Variants in CSNK1E observed in about 807,000 individuals in gnomAD.
CSNK1E encodes the protein casein kinase 1 epsilon.
A neutral mutation model predicts 46.1 loss-of-function variants in CSNK1E; 17 were observed. That is an observed-to-expected ratio of 0.37 (90% confidence interval 0.25 to 0.55). CSNK1E has a LOEUF of 0.55. CSNK1E is among the 20% of genes least tolerant of loss of function. The pLI, the probability that CSNK1E is intolerant of heterozygous loss-of-function variation, is 0.82. For missense variants in CSNK1E, 386 were observed against 595.4 expected, an observed-to-expected ratio of 0.65 and a Z score of 3.66; for synonymous variants, 241 against 242.6, an observed-to-expected ratio of 0.99 and a Z score of 0.06.
At chr22:38,296,114 G>C in intron 7 of CSNK1E, 8 of 972,138 alleles carry the variant, frequency 8.2e-6, no homozygotes, top group Non-Finnish European at 7.3e-6. Context: ...TGTGAGCCCA[G>C]CAGGCTCAGG....
chr22:38,310,331 C>CT (rs1336139565), intron 2 of CSNK1E, among the ~76,000 whole-genome samples: 5 of 152,134 alleles, frequency 3.3e-5, no homozygotes, highest in African/African-American at 1.2e-4. Flanking sequence ...CCTAGAGGGG[C>CT]TGGGAACTTG....
At chr22:38,315,079 AC>A (rs2092738147) in intron 1 of CSNK1E, among the ~76,000 whole-genome samples, 1 of 152,186 alleles carries the variant, frequency 6.6e-6, no homozygotes. Flanking sequence ...AACTCCTTTC[AC>A]AGACAGGGTA....
intron 2 of CSNK1E, among the ~76,000 whole-genome samples, chr22:38,311,805 CTTCT>C (rs2092722137): frequency 6.8e-6 from 1 of 147,164 alleles, no homozygotes; most frequent in Non-Finnish European, 1.5e-5. Flanking sequence ...CTTTTCTTTC[CTTCT>C]TTTTTTTTTT....
At position 38,302,098 on chromosome 22, in the gene CSNK1E, G is replaced by A. The variant is rs1569078614; in HGVS notation, c.336+763C>T. Among the ~76,000 whole-genome samples, 5 of 152,340 alleles carry A rather than the reference G, an allele frequency of 3.3e-5. No homozygotes were observed. In the South Asian group the frequency reaches 1.0e-3, roughly 32 times the overall value. On this transcript the variant is annotated intron_variant, in intron 4 of 10. Coordinates refer to ENST00000396832, the MANE Select transcript of CSNK1E (RefSeq NM_152221.3). ...AATCCCCTCAACAACCAACAAAGGA[G>A]AGACTCTCACATGAGGCCACTGAGG...
Position 38,294,615 on chromosome 22 carries a change from G to C in CSNK1E, c.886-81C>G. 2 of 1,338,124 alleles carry C rather than the reference G, an allele frequency of 1.5e-6. No individual in the cohort carries two copies. The highest frequency in any genetic ancestry group is 1.4e-5 in the South Asian group (1 of 73,334). The allele number at this position is 1,338,124 out of a possible 1,614,324, so 82.9% of individuals were successfully genotyped here. A position where few individuals can be genotyped will look rare whatever the true frequency, so the allele number is the denominator to read the frequency against. ...CCCAGCAGCCCTGCAGGGCACAGAA[G>C]GGGAGGGAGGCCAGGTGGATATCTC... On this transcript the variant is annotated intron_variant, in intron 7 of 10. Transcript: ENST00000396832. This position sits in a 1 kb window ranked among gnomAD's most constrained non-coding sequence, Gnocchi z 5.5.
At position 38,294,229 on chromosome 22, in the gene CSNK1E, C is replaced by A; in HGVS notation, c.1098G>T (p.Ala366=). ...TCCTCTCCCGGTCGACCCGCGAGAT[C>A]GCTCTGGGAGAAGTATTGCCTGGAG... The part of the protein sequence containing the change: ...IQPAGNTSPR[A]ISRVDRERKV... The change falls in exon 9 of 11, where the codon GCG becomes GCT. Residue 366 remains alanine, a synonymous_variant. Transcript: ENST00000396832. This position sits in a 1 kb window ranked among gnomAD's most constrained non-coding sequence, Gnocchi z 5.5. 2 of 1,612,550 alleles carry A rather than the reference C, an allele frequency of 1.2e-6. No homozygotes were observed. The highest frequency in any genetic ancestry group is 1.7e-6 in the Non-Finnish European group (2 of 1,179,952).
chr22:38,301,065 C>A, intron 4 of CSNK1E, 113 bp from the exon 5 acceptor site: 1 of 851,840 alleles, frequency 1.2e-6, no homozygotes, highest in East Asian at 2.5e-5. Flanking sequence ...GGCCTGCCTT[C>A]GACCATGAAG....
chr22:38,296,319 G>C, intron 7 of CSNK1E: 3 of 1,322,546 alleles, frequency 2.3e-6, no homozygotes, highest in Non-Finnish European at 2.9e-6. Flanking sequence ...ATTCCTTCCC[G>C]GCCAGCTGAC....
At position 38,294,439 on chromosome 22, in the gene CSNK1E, G is replaced by A. The variant is rs1050865175; in HGVS notation, c.981C>T (p.Ala327=). The A allele has an allele frequency of 7.6e-6, 12 of 1,569,092 alleles. No homozygotes were observed. The African/African-American group carries it at 1.2e-4, about 16-fold the overall frequency. ...MGQLRGSATR[A]LPPGPPTGAT... ...CCCCCGTGGGTGGGCCAGGGGGCAG[G>A]GCTCGGGTCGCGGACCCCCGTAGCT... The change falls in exon 8 of 11, where the codon GCC becomes GCT. Residue 327 remains alanine (A), a synonymous_variant. Coordinates refer to ENST00000396832, the MANE Select transcript of CSNK1E (RefSeq NM_152221.3). This position sits in a 1 kb window ranked among gnomAD's most constrained non-coding sequence, Gnocchi z 5.5.
In CSNK1E at chr22:38,298,182, G is replaced by A. The variant is rs750631526; in HGVS notation, c.885+604C>T. On this transcript the variant is annotated intron_variant, in intron 7 of 10. Transcript: ENST00000396832. The surrounding 1 kb of genome is among the most constrained non-coding windows in gnomAD (Gnocchi z 4.2). Reference sequence around the variant, plus strand: ...GCTGTCATGGGGCTGTCACGGGGCTGAGCCTGGCTCGAGGAAGCCCCCTTT... The same window carrying A: ...GCTGTCATGGGGCTGTCACGGGGCTAAGCCTGGCTCGAGGAAGCCCCCTTT... 2.3e-6 allele frequency: 3 copies of A among 1,303,860 alleles called. No individual in the cohort carries two copies. The highest frequency in any genetic ancestry group is 2.5e-5 in the South Asian group (2 of 80,974). The allele number at this position is 1,303,860 out of a possible 1,614,324, so 80.8% of individuals were successfully genotyped here.
intron 1 of CSNK1E, 150 bp from the exon 2 acceptor site, chr22:38,314,319 A>G (rs1245458900): frequency 1.7e-5 from 11 of 634,284 alleles, no homozygotes; most frequent in Non-Finnish European, 3.1e-5. Flanking sequence ...CACAGCCTGC[A>G]CTCCACACAC....
upstream of CSNK1E, chr22:38,317,483 A>C (rs573435779): frequency 7.8e-6 from 1 of 128,870 alleles, no homozygotes; most frequent in Non-Finnish European, 1.6e-5. Flanking sequence ...CCGCCCGCTG[A>C]TGTCATCCCC....
intron 2 of CSNK1E, among the ~76,000 whole-genome samples, chr22:38,310,789 G>A (rs552865727): frequency 6.6e-6 from 1 of 152,358 alleles, no homozygotes; most frequent in East Asian, 1.9e-4. Context: ...TGGCCCTCGG[G>A]TGATCCTGGA....
rs73409261 is a variant in CSNK1E, at chr22:38,315,454, C to T, written c.-12-1285G>A. Among the ~76,000 whole-genome samples the T allele has an allele frequency of 6.5e-3, 996 of 152,316 alleles. 14 individuals are homozygous for T. The highest frequency in any genetic ancestry group is 0.023 in the African/African-American group (948 of 41,568). On this transcript the variant is annotated intron_variant, in intron 1 of 10. Coordinates refer to ENST00000396832, the MANE Select transcript of CSNK1E (RefSeq NM_152221.3). ...AAACTCTGGGCTCTCAATCAAGGGC[C>T]GCTGCCCATATGCTTGGCCTGTCTC...
At chr22:38,317,851 A>C (rs986404428), upstream of CSNK1E, 13 of 152,186 alleles carry the variant, frequency 8.5e-5, no homozygotes, top group Non-Finnish European at 1.5e-4. Context: ...AAGATGTTAG[A>C]CTGCTGGAGG....
chr22:38,310,477 A>AGCG (rs1173188634), intron 2 of CSNK1E, among the ~76,000 whole-genome samples: 25 of 152,342 alleles, frequency 1.6e-4, no homozygotes, highest in Middle Eastern at 3.4e-3. Context: ...CGGCAGCAGC[A>AGCG]GCGGCGGCAA....
rs1398915118 is a variant in CSNK1E at position 38,294,370 on chromosome 22, G to A, written c.1050C>T (p.Ser350=). 6.4e-7 allele frequency: 1 copy of A among 1,562,466 alleles called. No homozygotes were observed. Among genetic ancestry groups the A allele is most frequent in the Admixed American group, 1.9e-5 (1 of 52,934 alleles). Residue 350 remains serine, a synonymous_variant, in exon 8 of 11, where the codon TCC becomes TCT. Coordinates refer to ENST00000396832, the MANE Select transcript of CSNK1E (RefSeq NM_152221.3). This position sits in a 1 kb window ranked among gnomAD's most constrained non-coding sequence, Gnocchi z 5.5. ...RLRSAAEPVA[S]TPASRIQPAG... is the part of the protein sequence containing the mutation. ...CCGGCTGGATGCGGGAGGCTGGCGT[G>A]GAAGCCACGGGCTCGGCGGCACTGC...
chr22:38,306,261 GTGGGTC>G (rs1175901858), intron 2 of CSNK1E, among the ~76,000 whole-genome samples: 1 of 152,196 alleles, frequency 6.6e-6, no homozygotes, highest in Non-Finnish European at 1.5e-5. Flanking sequence ...ACAGGGCTAA[GTGGGTC>G]AGGGAGGAAG....
At chr22:38,315,755 C>T (rs1161489017) in intron 1 of CSNK1E, among the ~76,000 whole-genome samples, 1 of 151,924 alleles carries the variant, frequency 6.6e-6, no homozygotes, top group Non-Finnish European at 1.5e-5. Context: ...ATAAATATAC[C>T]CGCATCCTAT....
Sources: allele counts gnomAD v4.1 joint callset (sites outside exome capture counted in the v4.1 genomes callset), GRCh38; gene constraint gnomAD v4.1.1; non-coding constraint Gnocchi (gnomAD v3.1); transcripts MANE v1.5; gene names NCBI Gene and HGNC (gene_info 2026-07-23, HGNC 2026-07-21).